The following GALNT17 variants were observed in gnomAD, a reference collection of about 807,000 sequenced individuals.
GALNT17 encodes polypeptide N-acetylgalactosaminyltransferase 17.
In GALNT17, 29 loss-of-function variants were observed where a neutral mutation model predicts 63.7. The ratio of observed to expected loss-of-function variants is 0.46; its 90% confidence interval spans 0.34 to 0.62. The LOEUF (loss-of-function observed/expected upper bound fraction) is 0.62. GALNT17 is among the 20% of genes least tolerant of loss of function. GALNT17 has a pLI of 0.01. For missense variants in GALNT17, 603 were observed against 799.6 expected (o/e 0.75, Z 2.97); for synonymous variants, 305 against 318.3 (o/e 0.96, Z 0.45).
At chr7:71,466,542 G>T (rs1376097651) in intron 5 of GALNT17, among the ~76,000 whole-genome samples, 1 of 152,150 alleles carries the variant, frequency 6.6e-6, no homozygotes, top group African/African-American at 2.4e-5. Context: ...GGGGAAATTT[G>T]CATTCTGTAG....
At chr7:71,583,746 CACACACACA>C (rs1331624887) in intron 6 of GALNT17, among the ~76,000 whole-genome samples, 14 of 2,526 alleles carry the variant, frequency 5.5e-3, no homozygotes, top group African/African-American at 6.0e-3. Context: ...CACACACACA[CACACACACA>C]CACACCACAC....
chr7:71,372,584 T>A (rs1583898669), intron 2 of GALNT17, among the ~76,000 whole-genome samples: 2 of 152,330 alleles, frequency 1.3e-5, no homozygotes, highest in East Asian at 3.9e-4. Flanking sequence ...CCCTAGTAGC[T>A]GGGACTACAG....
intron 5 of GALNT17, among the ~76,000 whole-genome samples, chr7:71,549,423 C>G (rs1312049617): frequency 6.6e-6 from 1 of 152,054 alleles, no homozygotes; most frequent in Non-Finnish European, 1.5e-5. Context: ...CATGAGTTAG[C>G]CTGGCATGGT....
intron 1 of GALNT17, among the ~76,000 whole-genome samples, chr7:71,261,817 C>G (rs1225687943): frequency 6.6e-6 from 1 of 152,220 alleles, no homozygotes. Context: ...ATTTATTCCT[C>G]TTAGGAATCG....
intron 9 of GALNT17, among the ~76,000 whole-genome samples, chr7:71,677,993 T>A (rs985785722): frequency 5.9e-5 from 9 of 152,070 alleles, no homozygotes; most frequent in African/African-American, 2.2e-4. Flanking sequence ...CCTTTGACCT[T>A]GCAGCAACTC....
At chr7:71,335,456 T>C in intron 1 of GALNT17, 94 bp from the exon 2 acceptor site, 1 of 1,237,058 alleles carries the variant, frequency 8.1e-7, no homozygotes, top group Non-Finnish European at 1.1e-6. Context: ...TGACAAGTAA[T>C]GTTAAAATGT....
At chr7:71,636,704 A>G (rs1349316488) in intron 6 of GALNT17, among the ~76,000 whole-genome samples, 1 of 152,182 alleles carries the variant, frequency 6.6e-6, no homozygotes, top group Non-Finnish European at 1.5e-5. Flanking sequence ...GAGGACATAC[A>G]TTGATAGTGA....
intron 1 of GALNT17, among the ~76,000 whole-genome samples, chr7:71,322,135 T>C (rs1791628100): frequency 6.6e-6 from 1 of 151,534 alleles, no homozygotes; most frequent in Admixed American, 6.6e-5. Context: ...TTCATTTTTT[T>C]GTAGAGACAG....
Position 71,343,916 on chromosome 7 carries a change from C to CT in GALNT17, c.422+8192dup, listed in dbSNP as rs1252562303. Among the ~76,000 whole-genome samples, 43 of 150,536 alleles carry CT rather than the reference C, an allele frequency of 2.9e-4. 1 individual carries two copies. The highest frequency in any genetic ancestry group is 1.1e-3 in the Admixed American group (17 of 15,064). On this transcript the variant is annotated intron_variant, in intron 2 of 10. Transcript: ENST00000333538. ...TGTGGTGTTCTTTTGGTCTGTATTT[C>CT]TTTTTTTTTCTTCTTCTTGTCCTTT...
intron 5 of GALNT17, among the ~76,000 whole-genome samples, chr7:71,435,517 C>A (rs980116258): frequency 6.6e-6 from 1 of 152,146 alleles, no homozygotes; most frequent in Non-Finnish European, 1.5e-5. Context: ...TTCCTAAGAT[C>A]AGTGCTTGAG....
intron 3 of GALNT17, among the ~76,000 whole-genome samples, chr7:71,404,982 C>A (rs1336125336): frequency 6.6e-6 from 1 of 152,250 alleles, no homozygotes; most frequent in African/African-American, 2.4e-5. Context: ...GAAACTGGTG[C>A]TGATGGCTGC....
At chr7:71,515,528 G>C (rs1158493437) in intron 5 of GALNT17, among the ~76,000 whole-genome samples, 1 of 152,132 alleles carries the variant, frequency 6.6e-6, no homozygotes, top group African/African-American at 2.4e-5. Flanking sequence ...TCGAGGTTGG[G>C]CTTCTAAGGA....
chr7:71,700,949 C>T (rs1238721076), intron 9 of GALNT17, among the ~76,000 whole-genome samples: 2 of 152,142 alleles, frequency 1.3e-5, no homozygotes, highest in African/African-American at 2.4e-5. Context: ...TACTATATGC[C>T]AGGCATTCTT....
At chr7:71,639,188 G>A (rs1360973740) in intron 6 of GALNT17, among the ~76,000 whole-genome samples, 2 of 151,956 alleles carry the variant, frequency 1.3e-5, no homozygotes, top group East Asian at 1.9e-4. Context: ...GTGTCAAAAC[G>A]TCTCGTGTAC....
At chr7:71,564,364 A>G (rs1789306005) in intron 5 of GALNT17, among the ~76,000 whole-genome samples, 1 of 135,248 alleles carries the variant, frequency 7.4e-6, no homozygotes, top group South Asian at 2.3e-4. Flanking sequence ...TCTGCTCACT[A>G]CAACCTCCTC....
At chr7:71,187,458 TTCTGAGTTACGCTCACTTC>T (rs1172046985) in intron 1 of GALNT17, among the ~76,000 whole-genome samples, 1 of 151,882 alleles carries the variant, frequency 6.6e-6, no homozygotes, top group Non-Finnish European at 1.5e-5. Context: ...TGGAAATTTC[TTCTGAGTTACGCTCACTTC>T]TCTCTGCTTC....
chr7:71,690,019 C>CTTTTTTTTTTTTTTT (rs36049127), intron 9 of GALNT17, among the ~76,000 whole-genome samples: 1 of 142,826 alleles, frequency 7.0e-6, no homozygotes. Flanking sequence ...TACTGAATAT[C>CTTTTTTTTTTTTTTT]TTTTTTTTTT....
intron 6 of GALNT17, among the ~76,000 whole-genome samples, chr7:71,638,944 G>A (rs1490986773): frequency 6.6e-6 from 1 of 152,064 alleles, no homozygotes; most frequent in Non-Finnish European, 1.5e-5. Flanking sequence ...AGGGTAGTGG[G>A]GGGTTGTGCA....
chr7:71,466,736 C>CAG (rs1787542393), intron 5 of GALNT17, among the ~76,000 whole-genome samples: 1 of 152,168 alleles, frequency 6.6e-6, no homozygotes, highest in Non-Finnish European at 1.5e-5. Flanking sequence ...ACTTGAAACT[C>CAG]CGCAGACAAA....
Sources: gnomAD v4.1 joint callset for allele counts (sites outside exome capture counted in the v4.1 genomes callset) on GRCh38, gnomAD v4.1.1 for gene constraint, MANE v1.5 for transcripts, NCBI Gene and HGNC (gene_info 2026-07-23, HGNC 2026-07-21) for gene names.